BPNT1: variants seen among roughly 807,000 people sequenced by gnomAD.
BPNT1 encodes the protein 3'(2'), 5'-bisphosphate nucleotidase 1, also known as 3'(2'),5'-bisphosphate nucleotidase 1.
BPNT1 carries 28 observed loss-of-function variants against 36.9 expected under a neutral mutation model. The ratio of observed to expected loss-of-function variants is 0.76; its 90% CI spans 0.56 to 1.04. The LOEUF (loss-of-function observed/expected upper bound fraction) is 1.04. BPNT1 is among the 50% of genes least tolerant of loss of function. The pLI, the probability that BPNT1 is intolerant of heterozygous loss-of-function variation, is 0.00. For missense variants in BPNT1, 313 were observed against 372.9 expected, an observed-to-expected ratio of 0.84 and a Z score of 1.32; for synonymous variants, 119 against 130.9, an observed-to-expected ratio of 0.91 and a Z score of 0.62.
chr1:220,082,883 G>C (rs1033112788), intron 1 of BPNT1, among the ~76,000 whole-genome samples: 5 of 152,098 alleles, frequency 3.3e-5, no homozygotes, highest in Admixed American at 2.6e-4. Flanking sequence ...CTATTGACAG[G>C]AATTATGAAC....
intron 2 of BPNT1, among the ~76,000 whole-genome samples, chr1:220,077,670 C>T (rs749030995): frequency 2.0e-5 from 3 of 152,116 alleles, no homozygotes; most frequent in Non-Finnish European, 2.9e-5. Context: ...AGTGAACTCA[C>T]GTCAACTTTT....
chr1:220,088,806 G>GA (rs375817985), intron 1 of BPNT1, among the ~76,000 whole-genome samples: 7,862 of 143,646 alleles, frequency 0.055, 308 homozygotes, highest in Middle Eastern at 0.1. Flanking sequence ...AAAAAAAAAA[G>GA]AAAGAAAGAA....
At chr1:220,076,888 C>T (rs1664602971) in intron 2 of BPNT1, among the ~76,000 whole-genome samples, 1 of 151,952 alleles carries the variant, frequency 6.6e-6, no homozygotes, top group Non-Finnish European at 1.5e-5. Context: ...CTGTTATATC[C>T]TGTTGGATTT....
chr1:220,072,891 G>C lies in BPNT1; in HGVS notation c.292C>G (p.Gln98Glu), dbSNP rs1279916022. 1 of 1,614,130 alleles carries C rather than the reference G, an allele frequency of 6.2e-7. No individual in the cohort carries two copies. Among genetic ancestry groups the C allele is most frequent in the South Asian group, 1.1e-5 (1 of 91,082 alleles). ...EDSQWEEILK[Q>E]PCPSQYSAIK... ...GCACTGTACTGCGATGGGCATGGTT[G>C]CTTCAGTATTTCTTCCCACTGACTG... Residue 98 changes from glutamine (Q) to glutamate (E), a missense_variant, in exon 4 of 9, where the codon CAA becomes GAA. Gln to Glu is a conservative substitution (Grantham distance 29). Transcript: ENST00000322067.
intron 1 of BPNT1, among the ~76,000 whole-genome samples, chr1:220,082,862 T>C (rs1655322619): frequency 6.6e-6 from 1 of 152,094 alleles, no homozygotes; most frequent in Admixed American, 6.6e-5. Context: ...CTTGTTTCTA[T>C]CATCCACACT....
At chr1:220,075,916 C>A (rs1664502436) in intron 2 of BPNT1, among the ~76,000 whole-genome samples, 1 of 152,078 alleles carries the variant, frequency 6.6e-6, no homozygotes, top group Non-Finnish European at 1.5e-5. Flanking sequence ...TCTAATATAA[C>A]CTCAACATAA....
At chr1:220,074,730 G>A (rs919195464) in intron 2 of BPNT1, among the ~76,000 whole-genome samples, 1 of 151,942 alleles carries the variant, frequency 6.6e-6, no homozygotes, top group Non-Finnish European at 1.5e-5. Context: ...TCCTGATCTT[G>A]TGATCCACCC....
In BPNT1 at chr1:220,058,966, C is replaced by T. The variant is rs1384941725; in HGVS notation, c.805G>A (p.Val269Ile). 10 of 1,613,700 alleles carry T rather than the reference C, an allele frequency of 6.2e-6. No homozygotes were observed. Among genetic ancestry groups the T allele is most frequent in the Non-Finnish European group, 8.5e-6 (10 of 1,179,698 alleles). Residue 269 changes from valine (V) to isoleucine (I), a missense_variant, in exon 9 of 9, where the codon GTT becomes ATT. Val to Ile is a conservative substitution (Grantham distance 29). Transcript: ENST00000322067. ...TTCACATCCTTGTGGTACTGAAGAACATTCCCATGGATATCGGTTAACTTG... is the reference window on the plus strand; with the variant it reads ...TTCACATCCTTGTGGTACTGAAGAATATTCCCATGGATATCGGTTAACTTG... ...GGKLTDIHGNVLQYHKDVKHM... is the reference protein window; with the variant it reads ...GGKLTDIHGNILQYHKDVKHM...
At chr1:220,073,307 G>A (rs74812100) in intron 3 of BPNT1, among the ~76,000 whole-genome samples, 70 of 138,518 alleles carry the variant, frequency 5.1e-4, no homozygotes, top group African/African-American at 1.8e-3. Flanking sequence ...TTTTTTTTTT[G>A]AGACGGAGTC....
intron 2 of BPNT1, among the ~76,000 whole-genome samples, chr1:220,076,767 G>A (rs760440077): frequency 4.0e-5 from 6 of 150,616 alleles, no homozygotes; most frequent in South Asian, 2.1e-4. Flanking sequence ...GTATTATTTC[G>A]TTGGTTATTA....
chr1:220,082,085 T>TAGAGAGAGAG (rs3055555), intron 1 of BPNT1, among the ~76,000 whole-genome samples: 14 of 103,280 alleles, frequency 1.4e-4, no homozygotes, highest in African/African-American at 5.3e-4. Flanking sequence ...TATATATATA[T>TAGAGAGAGAG]AGAGAGAGAG....
chr1:220,079,698 G>C, intron 2 of BPNT1, 29 bp downstream of exon 2: 3 of 1,612,530 alleles, frequency 1.9e-6, no homozygotes, highest in Non-Finnish European at 2.5e-6. Context: ...AAATCAAGTT[G>C]GTATGAAATG....
chr1:220,082,419 G>A (rs1361435481), intron 1 of BPNT1, among the ~76,000 whole-genome samples: 2 of 151,446 alleles, frequency 1.3e-5, no homozygotes, highest in Non-Finnish European at 2.9e-5. Context: ...GACCTCAAGT[G>A]ATCCACCCAC....
intron 1 of BPNT1, among the ~76,000 whole-genome samples, chr1:220,081,790 C>T (rs1189235152): frequency 6.6e-6 from 1 of 152,008 alleles, no homozygotes; most frequent in Non-Finnish European, 1.5e-5. Context: ...CACCCCAGCA[C>T]TGAAGGGCCA....
Position 220,057,913 on chromosome 1 carries a change from C to T in BPNT1, c.*931G>A. Reference sequence around the variant, plus strand: ...CTGGTTTAGGCCAGGTGCGGTGGCTCACACCTGTAATCCCAGCACTTTGGG... The same window carrying T: ...CTGGTTTAGGCCAGGTGCGGTGGCTTACACCTGTAATCCCAGCACTTTGGG... On this transcript the variant is annotated 3_prime_UTR_variant, in exon 9 of 9. Transcript: ENST00000322067. The T allele has an allele frequency of 7.8e-7, 1 of 1,281,780 alleles. No individual in the cohort carries two copies. The highest frequency in any genetic ancestry group is 1.0e-6 in the Non-Finnish European group (1 of 971,312). 79.4% of individuals were successfully genotyped at this position (1,281,780 alleles called of 1,614,324 possible).
At chr1:220,062,426 G>GA (rs939312314) in intron 7 of BPNT1, among the ~76,000 whole-genome samples, 21 of 151,828 alleles carry the variant, frequency 1.4e-4, no homozygotes, top group African/African-American at 4.8e-4. Context: ...AGTTTACTGA[G>GA]AATGATGATT....
chr1:220,073,089 C>G, intron 3 of BPNT1, 132 bp from the exon 4 acceptor site: 1 of 808,550 alleles, frequency 1.2e-6, no homozygotes, highest in Non-Finnish European at 1.9e-6. Context: ...ATATTTAGAG[C>G]TTTTAAAGCA....
chr1:220,059,339 C>A (rs1662807208), intron 8 of BPNT1, among the ~76,000 whole-genome samples: 2 of 143,328 alleles, frequency 1.4e-5, no homozygotes, highest in Admixed American at 7.1e-5. Flanking sequence ...TCACTACAAG[C>A]CCAGGAGTTC....
Position 220,057,789 on chromosome 1 carries a change from A to C in BPNT1, c.*1055T>G, listed in dbSNP as rs748868507. On this transcript the variant is annotated 3_prime_UTR_variant, in exon 9 of 9. Transcript: ENST00000322067. ...ATAAATCTGTTTCATAAGCATATAT[A>C]ATAACATCATATATATTCTTAATTG... 9.1e-7 allele frequency: 1 copy of C among 1,097,464 alleles called. No homozygotes were observed. The highest frequency in any genetic ancestry group is 1.2e-6 in the Non-Finnish European group (1 of 806,560). The allele number at this position is 1,097,464 out of a possible 1,614,324, so 68.0% of individuals were successfully genotyped here. A position where few individuals can be genotyped will look rare whatever the true frequency, so the allele number is the denominator to read the frequency against.
Sources: gnomAD v4.1 joint callset for allele counts (sites outside exome capture counted in the v4.1 genomes callset) on GRCh38, gnomAD v4.1.1 for gene constraint, MANE v1.5 for transcripts, NCBI Gene and HGNC (gene_info 2026-07-23, HGNC 2026-07-21) for gene names.